CADPS2: variants seen among roughly 807,000 people sequenced by gnomAD.
The protein encoded by CADPS2 is calcium-dependent secretion activator 2.
CADPS2 carries 93 observed loss-of-function variants against 172.5 expected under a neutral mutation model. The observed-to-expected ratio is 0.54, with a 90% CI of 0.46 to 0.64. CADPS2 has a LOEUF of 0.64. CADPS2 is among the 30% of genes least tolerant of loss of function. The pLI is 0.00. For synonymous variants in CADPS2, 546 were observed against 555.2 expected (o/e 0.98, Z 0.23); for missense variants, 1,420 against 1,565.9 (o/e 0.91, Z 1.57).
intron 4 of CADPS2, among the ~76,000 whole-genome samples, chr7:122,627,265 G>C (rs1462322650): frequency 6.6e-6 from 1 of 152,158 alleles, no homozygotes; most frequent in Non-Finnish European, 1.5e-5. Context: ...TAGGATTATT[G>C]TCAGAAAATA....
At chr7:122,540,468 G>A (rs1435080753) in intron 8 of CADPS2, among the ~76,000 whole-genome samples, 1 of 152,072 alleles carries the variant, frequency 6.6e-6, no homozygotes, top group African/African-American at 2.4e-5. Flanking sequence ...AACAAAGTCT[G>A]TTGTGGGTAT....
intron 9 of CADPS2, among the ~76,000 whole-genome samples, chr7:122,505,808 C>A (rs2059568203): frequency 6.6e-6 from 1 of 152,160 alleles, no homozygotes; most frequent in Non-Finnish European, 1.5e-5. Flanking sequence ...TAAAATGTTG[C>A]CATATTTCAT....
intron 1 of CADPS2, among the ~76,000 whole-genome samples, chr7:122,879,162 G>A (rs561480376): frequency 2.4e-4 from 36 of 151,708 alleles, no homozygotes; most frequent in African/African-American, 7.3e-4. Context: ...AGTTGAACGC[G>A]GGAGGCAGAG....
In CADPS2 at chr7:122,407,716, T is replaced by G. The variant is rs1159126306; in HGVS notation, c.2590-20A>C. ...AAATGCCTACAAAAGGATAAAAACA[T>G]AAAGGAGAAAAGTAGATTACTTTTT... On this transcript the variant is annotated intron_variant, in intron 19 of 29. Coordinates refer to ENST00000449022, the MANE Select transcript of CADPS2 (RefSeq NM_017954.11). 2.5e-6 allele frequency: 4 copies of G among 1,590,190 alleles called. No homozygotes were observed. Among genetic ancestry groups the G allele is most frequent in the Middle Eastern group, 3.3e-4 (2 of 6,020 alleles).
chr7:122,771,031 A>G (rs551968378), intron 1 of CADPS2, among the ~76,000 whole-genome samples: 1 of 152,296 alleles, frequency 6.6e-6, no homozygotes, highest in East Asian at 1.9e-4. Context: ...ATCCTGCTGC[A>G]GAGTTAGAAT....
At chr7:122,582,490 T>C (rs2132906134) in intron 6 of CADPS2, among the ~76,000 whole-genome samples, 1 of 152,154 alleles carries the variant, frequency 6.6e-6, no homozygotes, top group East Asian at 1.9e-4. Flanking sequence ...AGAAAACAGC[T>C]TAATTTCTAT....
At chr7:122,819,917 C>T (rs1181674215) in intron 1 of CADPS2, among the ~76,000 whole-genome samples, 6 of 152,094 alleles carry the variant, frequency 3.9e-5, no homozygotes, top group African/African-American at 1.4e-4. Flanking sequence ...AATATCCCAT[C>T]CTGCAGCATG....
intron 1 of CADPS2, among the ~76,000 whole-genome samples, chr7:122,846,998 C>T (rs1812164489): frequency 1.3e-5 from 2 of 152,192 alleles, no homozygotes; most frequent in Non-Finnish European, 1.5e-5. Flanking sequence ...TAAAGGACTC[C>T]ACTGGTGACT....
chr7:122,816,217 T>TGAATAATGGAG (rs2140260936), intron 1 of CADPS2, among the ~76,000 whole-genome samples: 1 of 139,516 alleles, frequency 7.2e-6, no homozygotes, highest in South Asian at 2.8e-4. Context: ...TTCTAACCAT[T>TGAATAATGGAG]ATTCTACTCT....
At chr7:122,663,771 T>C (rs2080871342) in intron 2 of CADPS2, among the ~76,000 whole-genome samples, 1 of 152,226 alleles carries the variant, frequency 6.6e-6, no homozygotes, top group Non-Finnish European at 1.5e-5. Flanking sequence ...TTAAAATGTG[T>C]AGGAGACACA....
chr7:122,364,315 G>C (rs1171359522), intron 25 of CADPS2, among the ~76,000 whole-genome samples: 1 of 151,342 alleles, frequency 6.6e-6, no homozygotes, highest in Non-Finnish European at 1.5e-5. Context: ...AAGCTGAGGT[G>C]GGAGGATTGC....
At chr7:122,409,544 ATATATT>A (rs2047051891) in intron 19 of CADPS2, 1 of 400,416 alleles carries the variant, frequency 2.5e-6, no homozygotes, top group East Asian at 7.8e-5. Context: ...TTGCAGAAGT[ATATATT>A]TATATCTCAA....
chr7:122,683,743 A>T (rs2083320728), intron 2 of CADPS2, among the ~76,000 whole-genome samples: 1 of 79,862 alleles, frequency 1.3e-5, no homozygotes, highest in Admixed American at 1.6e-4. Flanking sequence ...AATGTTAATG[A>T]AGAAAAAAAA....
chr7:122,599,593 T>A lies in CADPS2; in HGVS notation c.1223+15588A>T, dbSNP rs944715915. Among the ~76,000 whole-genome samples, 13 of 152,216 alleles carry A rather than the reference T, an allele frequency of 8.5e-5. 1 individual carries two copies. The South Asian group carries it at 2.5e-3, about 29-fold the overall frequency. On this transcript the variant is annotated intron_variant, in intron 6 of 29. Coordinates refer to ENST00000449022, the MANE Select transcript of CADPS2 (RefSeq NM_017954.11). ...TTTAATGTGTTGAGTAAGGTATCCATGTGAAGATATCCCCGGAAGAGAAGG... is the reference window on the plus strand; with the variant it reads ...TTTAATGTGTTGAGTAAGGTATCCAAGTGAAGATATCCCCGGAAGAGAAGG...
At chr7:122,585,904 T>C (rs1417008272) in intron 6 of CADPS2, 1 of 151,978 alleles carries the variant, frequency 6.6e-6, no homozygotes, top group African/African-American at 2.4e-5. Context: ...GTTCATATCT[T>C]TTAACCTAGT....
intron 14 of CADPS2, among the ~76,000 whole-genome samples, chr7:122,459,963 G>C (rs1452348484): frequency 2.6e-5 from 4 of 152,340 alleles, no homozygotes; most frequent in African/African-American, 9.6e-5. Context: ...GAGTGTCAGA[G>C]AAGGATTCAG....
chr7:122,642,921 C>T lies in CADPS2; in HGVS notation c.787-13593G>A, dbSNP rs184618555. 2.3e-3 allele frequency among the ~76,000 whole-genome samples: 347 copies of T among 151,946 alleles called. 1 individual carries two copies. The highest frequency in any genetic ancestry group is 7.5e-3 in the African/African-American group (309 of 41,288). The stretch of plus-strand genomic sequence containing the variant: ...TGTCATACTCTTTTTGAGTGAATTG[C>T]ACTCTTTTGTTTTCTTATAATATTT... On this transcript the variant is annotated intron_variant, in intron 3 of 29. Coordinates refer to ENST00000449022, the MANE Select transcript of CADPS2 (RefSeq NM_017954.11).
At chr7:122,666,349 T>TTG (rs1366718058) in intron 2 of CADPS2, among the ~76,000 whole-genome samples, 2 of 150,414 alleles carry the variant, frequency 1.3e-5, no homozygotes, top group Non-Finnish European at 3.0e-5. Context: ...GCTAACACTT[T>TTG]TTTTTTTTTT....
intron 1 of CADPS2, among the ~76,000 whole-genome samples, chr7:122,815,509 G>T (rs570274529): frequency 2.0e-5 from 3 of 151,818 alleles, no homozygotes; most frequent in African/African-American, 7.3e-5. Context: ...ACAAGTATAA[G>T]TTTTCCCTGT....
Sources: gnomAD v4.1 joint callset for allele counts (sites outside exome capture counted in the v4.1 genomes callset) on GRCh38, gnomAD v4.1.1 for gene constraint, MANE v1.5 for transcripts, NCBI Gene and HGNC (gene_info 2026-07-23, HGNC 2026-07-21) for gene names.